Variants in USP8 observed in about 807,000 individuals in gnomAD.
The protein encoded by USP8 is ubiquitin carboxyl-terminal hydrolase 8.
Under a neutral mutation model 130.0 loss-of-function variants are expected in USP8, and 27 were observed. The ratio of observed to expected loss-of-function variants is 0.21; its 90% CI spans 0.15 to 0.29. The LOEUF (loss-of-function observed/expected upper bound fraction) is 0.29. USP8 is among the 10% of genes least tolerant of loss of function. USP8 has a pLI of 1.00. For missense variants in USP8, 1,029 were observed against 1,312.2 expected (o/e 0.78, Z 3.33); for synonymous variants, 392 against 444.1 (o/e 0.88, Z 1.48).
chr15:50,467,442 T>C (rs564123927), intron 7 of USP8, among the ~76,000 whole-genome samples: 2 of 152,258 alleles, frequency 1.3e-5, no homozygotes, highest in African/African-American at 2.4e-5. Flanking sequence ...TGCTAGTATA[T>C]CTTTTAAATA....
At chr15:50,440,915 T>A (rs1314917300) in intron 2 of USP8, among the ~76,000 whole-genome samples, 1 of 151,226 alleles carries the variant, frequency 6.6e-6, no homozygotes, top group African/African-American at 2.4e-5. Flanking sequence ...GGCAGGAGAA[T>A]CACTTGAATC....
At chr15:50,438,237 G>T (rs1255701615) in intron 1 of USP8, among the ~76,000 whole-genome samples, 1 of 152,192 alleles carries the variant, frequency 6.6e-6, no homozygotes, top group Non-Finnish European at 1.5e-5. Context: ...GATGTTCATT[G>T]ATGTCCATTT....
In USP8 at chr15:50,500,268, A is replaced by G. The variant is rs961630863; in HGVS notation, c.*1180A>G. 6.5e-6 allele frequency: 1 copy of G among 153,626 alleles called. No homozygotes were observed. Among genetic ancestry groups the G allele is most frequent in the Admixed American group, 6.4e-5 (1 of 15,590 alleles). 9.5% of individuals were successfully genotyped at this position (153,626 alleles called of 1,614,324 possible). On this transcript the variant is annotated 3_prime_UTR_variant, in exon 20 of 20. Transcript: ENST00000307179. The stretch of plus-strand genomic sequence containing the variant: ...TCAAATATATTCAAATCATATTCTT[A>G]AACTCATCGAGCCATTTGAACAAAA...
At chr15:50,468,470 T>C (rs2051268566) in intron 7 of USP8, among the ~76,000 whole-genome samples, 1 of 152,032 alleles carries the variant, frequency 6.6e-6, no homozygotes, top group African/African-American at 2.4e-5. Flanking sequence ...CTTGAACTCC[T>C]GGCCTCAAGT....
Position 50,489,891 on chromosome 15 carries a change from A to G in USP8, c.1971+10A>G. ...TTCAGGCTGGGCCAAGGTAAAAGTC[A>G]GAATTAGCAGTAAAATAGCCACTGT... On this transcript the variant is annotated intron_variant, in intron 13 of 19. Coordinates refer to ENST00000307179, the MANE Select transcript of USP8 (RefSeq NM_005154.5). The G allele has an allele frequency of 3.8e-6, 6 of 1,559,266 alleles. No individual in the cohort carries two copies. Among genetic ancestry groups the G allele is most frequent in the Non-Finnish European group, 5.2e-6 (6 of 1,158,398 alleles).
chr15:50,437,113 A>C (rs1304754630), intron 1 of USP8, among the ~76,000 whole-genome samples: 1 of 151,874 alleles, frequency 6.6e-6, no homozygotes, highest in Non-Finnish European at 1.5e-5. Context: ...GCATTGCTTT[A>C]CTCACGTTTG....
At chr15:50,487,774 G>A (rs1337854756) in intron 12 of USP8, among the ~76,000 whole-genome samples, 2 of 152,146 alleles carry the variant, frequency 1.3e-5, no homozygotes, top group South Asian at 4.1e-4. Context: ...TAATTCTCAC[G>A]CATTAAGAAG....
intron 1 of USP8, 32 bp downstream of exon 1, chr15:50,424,546 TC>T: frequency 2.5e-6 from 1 of 398,614 alleles, no homozygotes. Flanking sequence ...TAGCACCTGT[TC>T]TCTGGGAAGT....
chr15:50,434,280 T>C lies in USP8; in HGVS notation c.-65-4729T>C, dbSNP rs145377993. On this transcript the variant is annotated intron_variant, in intron 1 of 19. Transcript: ENST00000307179. ...ACCACGTCCGGCTAATTTTTGTATT[T>C]TTAGTAGAGATGAGGTTTCACCATG... 6.4e-3 allele frequency among the ~76,000 whole-genome samples: 966 copies of C among 152,014 alleles called. 14 individuals carry two copies. Among genetic ancestry groups the C allele is most frequent in the African/African-American group, 0.022 (930 of 41,458 alleles).
At chr15:50,447,444 T>A (rs2050478445) in intron 3 of USP8, among the ~76,000 whole-genome samples, 1 of 152,198 alleles carries the variant, frequency 6.6e-6, no homozygotes, top group Admixed American at 6.5e-5. Context: ...GTTTGCCATG[T>A]TGGCCAGGCT....
chr15:50,499,493 G>A lies in USP8; in HGVS notation c.*405G>A, dbSNP rs1048244834. ...ATGTAAAGCAGATAGGAATGTATGT[G>A]TACATATTTATTGCATACTTGCACA... is the stretch of plus-strand genomic sequence containing the variant. On this transcript the variant is annotated 3_prime_UTR_variant, in exon 20 of 20. Coordinates refer to ENST00000307179, the MANE Select transcript of USP8 (RefSeq NM_005154.5). 1 of 153,480 alleles carries A rather than the reference G, an allele frequency of 6.5e-6. No individual in the cohort carries two copies. Among genetic ancestry groups the A allele is most frequent in the East Asian group, 1.9e-4 (1 of 5,242 alleles). 9.5% of individuals were successfully genotyped at this position (153,480 alleles called of 1,614,324 possible). A position where few individuals can be genotyped will look rare whatever the true frequency, so the allele number is the denominator to read the frequency against.
chr15:50,475,276 C>A (rs1389160337), intron 8 of USP8, among the ~76,000 whole-genome samples: 1 of 151,852 alleles, frequency 6.6e-6, no homozygotes, highest in Non-Finnish European at 1.5e-5. Flanking sequence ...GCAAAGGATA[C>A]AATTATTAAA....
chr15:50,446,080 G>A (rs1023472864), intron 3 of USP8, among the ~76,000 whole-genome samples: 5 of 152,096 alleles, frequency 3.3e-5, no homozygotes, highest in African/African-American at 1.2e-4. Context: ...TGGTATTCTT[G>A]ATAATTCTTC....
intron 3 of USP8, 59 bp downstream of exon 3, chr15:50,441,552 T>C: frequency 7.0e-7 from 1 of 1,428,078 alleles, no homozygotes; most frequent in Non-Finnish European, 9.3e-7. Flanking sequence ...GAGCTATTGA[T>C]TTTTTTCTAA....
At chr15:50,468,053 A>G (rs1221061327) in intron 7 of USP8, among the ~76,000 whole-genome samples, 1 of 151,326 alleles carries the variant, frequency 6.6e-6, no homozygotes, top group Admixed American at 6.6e-5. Context: ...CTTCTGCCTC[A>G]GCCCCCTGAG....
At position 50,509,556 on chromosome 15, in the gene USP8, G is replaced by A. The variant is rs2052711978; in HGVS notation, c.*10468G>A. 6.6e-6 allele frequency: 1 copy of A among 152,134 alleles called. No individual in the cohort carries two copies. Among genetic ancestry groups the A allele is most frequent in the Admixed American group, 6.6e-5 (1 of 15,248 alleles). The allele number at this position is 152,134 out of a possible 1,614,324, so 9.4% of individuals were successfully genotyped here. A position where few individuals can be genotyped will look rare whatever the true frequency, so the allele number is the denominator to read the frequency against. ...CAAGCTACTCAGGAGGCTGAGACAG[G>A]AGAATGACTTGAACCCGGGAGGCGG... On this transcript the variant is annotated 3_prime_UTR_variant, in exon 20 of 20. Transcript: ENST00000307179.
Position 50,458,915 on chromosome 15 carries a change from G to A in USP8, c.336-85G>A, listed in dbSNP as rs1002043276. The A allele has an allele frequency of 1.6e-5, 25 of 1,529,942 alleles. No homozygotes were observed. The African/African-American group carries it at 3.5e-4, about 21-fold the overall frequency. The allele number at this position is 1,529,942 out of a possible 1,614,324, so 94.8% of individuals were successfully genotyped here. A position where few individuals can be genotyped will look rare whatever the true frequency, so the allele number is the denominator to read the frequency against. Reference sequence around the variant, plus strand: ...ATAGCCATGAAATACCTCAAGGCAGGATACTAATTTTACAGAACTGAAACT... The same window carrying A: ...ATAGCCATGAAATACCTCAAGGCAGAATACTAATTTTACAGAACTGAAACT... On this transcript the variant is annotated intron_variant, in intron 4 of 19. Transcript: ENST00000307179.
At chr15:50,465,599 C>G (rs2051163971) in intron 7 of USP8, among the ~76,000 whole-genome samples, 2 of 152,120 alleles carry the variant, frequency 1.3e-5, no homozygotes, top group Admixed American at 1.3e-4. Context: ...GTTGCCTTTT[C>G]CCTCTCTCCC....
intron 9 of USP8, 54 bp downstream of exon 9, chr15:50,477,047 A>G (rs768503808): frequency 3.2e-6 from 5 of 1,581,732 alleles, no homozygotes; most frequent in Non-Finnish European, 4.3e-6. Flanking sequence ...ATGGTTTAAA[A>G]TTGTTTTCCC....
Sources: allele counts gnomAD v4.1 joint callset (sites outside exome capture counted in the v4.1 genomes callset), GRCh38; gene constraint gnomAD v4.1.1; transcripts MANE v1.5; gene names NCBI Gene and HGNC (gene_info 2026-07-23, HGNC 2026-07-21).